Variants in TBC1D28 observed in about 807,000 individuals in gnomAD.
TBC1D28 encodes the protein TBC1 domain family member 28, also known as TBC1 domain family, member 28.
Under a neutral mutation model 29.2 loss-of-function variants are expected in TBC1D28, and 20 were observed. The ratio of observed to expected loss-of-function variants is 0.68; its 90% CI spans 0.48 to 0.99. TBC1D28 has a LOEUF of 0.99. Among genes scored for constraint, TBC1D28 ranks in the 50% least tolerant of loss-of-function variants. The probability of loss-of-function intolerance (pLI) is 0.00; values close to 1 mark genes in which losing one functional copy is unlikely to be tolerated. For synonymous variants in TBC1D28, 65 were observed against 90.9 expected, an observed-to-expected ratio of 0.71 and a Z score of 1.62; for missense variants, 205 against 243.7, an observed-to-expected ratio of 0.84 and a Z score of 1.06.
At chr17:18,642,114 CCAGA>C (rs1400225168) in exon 1 of TBC1D28, 3 of 153,514 alleles carry the variant, frequency 2.0e-5, no homozygotes, top group Non-Finnish European at 2.9e-5. Flanking sequence ...CTCTAGAGGA[CCAGA>C]CAGAGAGAAT....
exon 3 of TBC1D28, chr17:18,641,322 G>T (rs771376939): frequency 6.2e-7 from 1 of 1,613,868 alleles, no homozygotes; most frequent in Non-Finnish European, 8.5e-7. Flanking sequence ...CCCTGGGCAG[G>T]CAGGTTATCC....
intron 2 of TBC1D28, 73 bp from the exon 4 acceptor site, chr17:18,641,426 C>A: frequency 9.8e-7 from 1 of 1,016,274 alleles, no homozygotes; most frequent in Non-Finnish European, 1.5e-6. Flanking sequence ...ACACGCACTG[C>A]ACTCCCAGAC....
chr17:18,635,987 G>A (rs1443878274), exon 9 of TBC1D28: 12 of 994,428 alleles, frequency 1.2e-5, no homozygotes, highest in African/African-American at 3.5e-5. Flanking sequence ...AGGGCTGCCT[G>A]CCGAACATAA....
exon 9 of TBC1D28, chr17:18,636,129 T>G (rs1227797348): frequency 8.9e-7 from 1 of 1,118,390 alleles, no homozygotes; most frequent in Admixed American, 4.5e-5. Flanking sequence ...TCTGCTATGC[T>G]CCTGTGGGGA....
At chr17:18,642,716 A>C (rs998130413), upstream of TBC1D28, 7 of 152,266 alleles carry the variant, frequency 4.6e-5, no homozygotes, top group African/African-American at 1.7e-4. Flanking sequence ...CCTCGTCGGC[A>C]TCTGCCCAGA....
At position 18,637,846 on chromosome 17, in the gene TBC1D28, A is replaced by C; in HGVS notation, c.497+18T>G. ...GCCCCATCTTCTCTGGGACCCCTGC[A>C]AGCCCCATTGGCCTTACTTGACTCC... is the stretch of plus-strand genomic sequence containing the variant. On this transcript the variant is annotated intron_variant, in intron 8 of 8. Coordinates refer to ENST00000345096, the Ensembl canonical transcript of TBC1D28. 2.5e-6 allele frequency: 4 copies of C among 1,613,496 alleles called. No individual in the cohort carries two copies. The highest frequency in any genetic ancestry group is 3.4e-6 in the Non-Finnish European group (4 of 1,179,758).
downstream of TBC1D28, among the ~76,000 whole-genome samples, chr17:18,634,279 A>G (rs967572809): frequency 3.5e-5 from 3 of 84,952 alleles, no homozygotes; most frequent in East Asian, 6.5e-4. Flanking sequence ...ACAAAATGGT[A>G]CATGTTAACT....
At chr17:18,640,734 C>G (rs1388738685) in intron 4 of TBC1D28, among the ~76,000 whole-genome samples, 1 of 110,630 alleles carries the variant, frequency 9.0e-6, no homozygotes, top group East Asian at 5.4e-4. Flanking sequence ...TCAGGCTGCC[C>G]CTCCTCTCCA....
intron 6 of TBC1D28, 91 bp downstream of exon 7, chr17:18,638,530 C>T: frequency 2.2e-6 from 3 of 1,347,194 alleles, no homozygotes; most frequent in Non-Finnish European, 3.0e-6. Context: ...CACCCACCCA[C>T]TGAGAGGCAC....
intron 4 of TBC1D28, among the ~76,000 whole-genome samples, chr17:18,640,223 C>CT (rs2031699646): frequency 6.6e-6 from 1 of 151,618 alleles, no homozygotes; most frequent in African/African-American, 2.4e-5. Context: ...AGTTCCCCCA[C>CT]TGAGGGGTCC....
At chr17:18,638,088 T>C (rs1011898144) in intron 7 of TBC1D28, 115 bp from the exon 9 acceptor site, 3 of 1,541,384 alleles carry the variant, frequency 1.9e-6, no homozygotes, top group Admixed American at 1.7e-5. Context: ...GAAGGAAGGT[T>C]TCCTTCTGCA....
chr17:18,639,858 C>T lies in TBC1D28; in HGVS notation c.159-644G>A. Among the ~76,000 whole-genome samples the T allele has an allele frequency of 2.0e-5, 2 of 98,352 alleles. 1 individual carries two copies. The highest frequency in any genetic ancestry group is 3.9e-5 in the Non-Finnish European group (2 of 50,634). The allele number at this position is 98,352 out of a possible 152,430, so 64.5% of individuals were successfully genotyped here. On this transcript the variant is annotated intron_variant, in intron 4 of 8. Coordinates refer to ENST00000345096, the Ensembl canonical transcript of TBC1D28. ...TCTGTGACCCTTGTCCTTTCAGAAC[C>T]TCTGAGTGAGACCTCCCAGATCCGT...
rs557326046 is a variant in TBC1D28, at chr17:18,637,241, C to T, written c.497+623G>A. 8.7e-5 allele frequency among the ~76,000 whole-genome samples: 8 copies of T among 92,474 alleles called. 1 individual carries two copies. In the South Asian group the frequency reaches 2.8e-3, roughly 32 times the overall value. 60.7% of individuals were successfully genotyped at this position (92,474 alleles called of 152,430 possible). A position where few individuals can be genotyped will look rare whatever the true frequency, so the allele number is the denominator to read the frequency against. On this transcript the variant is annotated intron_variant, in intron 8 of 8. Transcript: ENST00000345096. ...AGTGGAACCCCCTTCCTCCCGAGTTCCCATGTTGAAGATCATCTCCGTAGC... is the reference window on the plus strand; with the variant it reads ...AGTGGAACCCCCTTCCTCCCGAGTTTCCATGTTGAAGATCATCTCCGTAGC...
downstream of TBC1D28, among the ~76,000 whole-genome samples, chr17:18,634,816 G>GCCCCTCAGCCT (rs2031404076): frequency 4.2e-5 from 4 of 94,718 alleles, no homozygotes; most frequent in African/African-American, 1.5e-4. Context: ...CCCCTCAGCC[G>GCCCCTCAGCCT]CCTCAGCCCC....
upstream of TBC1D28, among the ~76,000 whole-genome samples, chr17:18,643,974 A>G (rs2031885753): frequency 2.6e-5 from 4 of 152,214 alleles, no homozygotes; most frequent in Admixed American, 2.6e-4. Context: ...CAGGGGCCAG[A>G]AAACCCTGGG....
chr17:18,638,146 G>A, intron 7 of TBC1D28, 167 bp downstream of exon 8: 1 of 1,318,466 alleles, frequency 7.6e-7, no homozygotes, highest in South Asian at 1.4e-5. Context: ...GGTCAGCAGA[G>A]CCCAGCGCAC....
intron 2 of TBC1D28, 70 bp from the exon 4 acceptor site, chr17:18,641,423 C>G: frequency 9.6e-7 from 1 of 1,037,114 alleles, no homozygotes; most frequent in South Asian, 1.4e-5. Context: ...ACCACACGCA[C>G]TGCACTCCCA....
intron 6 of TBC1D28, 51 bp downstream of exon 7, chr17:18,638,570 C>A (rs1386258188): frequency 1.2e-6 from 2 of 1,605,404 alleles, no homozygotes; most frequent in Non-Finnish European, 1.7e-6. Context: ...GGGCGCCTGT[C>A]TCCTGGCTCT....
At chr17:18,637,612 A>G (rs1242483773) in intron 8 of TBC1D28, among the ~76,000 whole-genome samples, 1 of 150,006 alleles carries the variant, frequency 6.7e-6, no homozygotes, top group Non-Finnish European at 1.5e-5. Flanking sequence ...CACCATCTGC[A>G]TGACTCTTTT....
Sources: allele counts gnomAD v4.1 joint callset (sites outside exome capture counted in the v4.1 genomes callset), GRCh38; gene constraint gnomAD v4.1.1; transcripts MANE v1.5; gene names NCBI Gene and HGNC (gene_info 2026-07-23, HGNC 2026-07-21).